VIL1: variants seen among roughly 807,000 people sequenced by gnomAD.
The protein encoded by VIL1 is villin-1.
VIL1 carries 86 observed loss-of-function variants against 104.0 expected under a neutral mutation model. The ratio of observed to expected loss-of-function variants is 0.83; its 90% confidence interval spans 0.69 to 0.99. The LOEUF (loss-of-function observed/expected upper bound fraction) is 0.99. Ranked by LOEUF, VIL1 falls within the 50% of genes least tolerant of loss-of-function variation. The pLI is 0.00. For synonymous variants in VIL1, 394 were observed against 412.6 expected, an observed-to-expected ratio of 0.95 and a Z score of 0.55; for missense variants, 944 against 1,054.1, an observed-to-expected ratio of 0.90 and a Z score of 1.45.
Position 218,429,961 on chromosome 2 carries a change from CGGGGGA to C in VIL1, c.948+18_948+23del. 21 of 650,230 alleles carry C rather than the reference CGGGGGA, an allele frequency of 3.2e-5. No individual in the cohort carries two copies. The highest frequency in any genetic ancestry group is 4.3e-5 in the Non-Finnish European group (19 of 437,474). 40.3% of individuals were successfully genotyped at this position (650,230 alleles called of 1,614,324 possible). A position where few individuals can be genotyped will look rare whatever the true frequency, so the allele number is the denominator to read the frequency against. On this transcript the variant is annotated intron_variant, in intron 9 of 19. Coordinates refer to ENST00000248444, the MANE Select transcript of VIL1 (RefSeq NM_007127.3). ...AGCCATGCGCTGGTAGTGGTGGGGG[CGGGGGA>C]GGGTCCAGGAGGAGGGCAGAGTGAT...
In VIL1 at chr2:218,429,338, T is replaced by G; in HGVS notation, c.621T>G (p.Tyr207Ter). 2 of 1,614,018 alleles carry G rather than the reference T, an allele frequency of 1.2e-6. No homozygotes were observed. Among genetic ancestry groups the G allele is most frequent in the Non-Finnish European group, 1.7e-6 (2 of 1,179,990 alleles). ...IRDQERGGRT[Y>*]VGVVDGENEL... The stretch of plus-strand genomic sequence containing the variant: ...ACCAGGAGCGGGGAGGGCGCACCTA[T>G]GTAGGCGTGGTGGACGGAGAGAATG... Residue 207 changes from tyrosine to a stop codon, truncating the protein, a stop_gained, in exon 7 of 20, where the codon TAT (tyrosine) becomes TAG (stop). Coordinates refer to ENST00000248444, the MANE Select transcript of VIL1 (RefSeq NM_007127.3). LOFTEE classifies it high-confidence loss of function.
At chr2:218,439,357 C>T (rs909808274) in intron 18 of VIL1, among the ~76,000 whole-genome samples, 3 of 152,102 alleles carry the variant, frequency 2.0e-5, no homozygotes, top group African/African-American at 7.2e-5. Flanking sequence ...TTAGAATTGG[C>T]ACCTAGGAAT....
chr2:218,421,266 G>A (rs1424733675), intron 1 of VIL1, among the ~76,000 whole-genome samples: 2 of 152,112 alleles, frequency 1.3e-5, no homozygotes, highest in African/African-American at 4.8e-5. Flanking sequence ...GGGGCTGTGT[G>A]TAGTGGGGAG....
Position 218,429,604 on chromosome 2 carries a change from G to A in VIL1, c.778G>A (p.Asp260Asn), listed in dbSNP as rs1689061449. The A allele has an allele frequency of 6.2e-7, 1 of 1,614,016 alleles. No homozygotes were observed. Among genetic ancestry groups the A allele is most frequent in the Admixed American group, 1.7e-5 (1 of 59,996 alleles). ...KAALKLYHVSDSEGNLVVREV... is the reference protein window; with the variant it reads ...KAALKLYHVSNSEGNLVVREV... ...CTTGCTTCTGTCCTGCAGTGTGTCT[G>A]ACTCCGAGGGGAATCTGGTGGTGAG... is the stretch of plus-strand genomic sequence containing the variant. Residue 260 changes from aspartate (D) to asparagine (N), a missense_variant, in exon 8 of 20, where the codon GAC becomes AAC. Coordinates refer to ENST00000248444, the MANE Select transcript of VIL1 (RefSeq NM_007127.3).
intron 1 of VIL1, among the ~76,000 whole-genome samples, chr2:218,423,046 G>T (rs367754759): frequency 6.6e-6 from 1 of 152,162 alleles, no homozygotes; most frequent in African/African-American, 2.4e-5. Context: ...AGCACGTTCC[G>T]AAGCTCCCCA....
At chr2:218,437,705 G>T (rs1689219934) in intron 17 of VIL1, among the ~76,000 whole-genome samples, 1 of 152,232 alleles carries the variant, frequency 6.6e-6, no homozygotes, top group South Asian at 2.1e-4. Context: ...GCAACATGGT[G>T]GATCCTCCAT....
At position 218,425,603 on chromosome 2, in the gene VIL1, C is replaced by T; in HGVS notation, c.151-12C>T. On this transcript the variant is annotated splice_polypyrimidine_tract_variant and intron_variant, in intron 3 of 19. Transcript: ENST00000248444. Reference sequence around the variant, plus strand: ...CCCAGGGTCTCGGGTACACTGGACACCTTTTCCCTAGATCCACAAGACAGC... The same window carrying T: ...CCCAGGGTCTCGGGTACACTGGACATCTTTTCCCTAGATCCACAAGACAGC... The T allele has an allele frequency of 6.2e-7, 1 of 1,613,736 alleles. No homozygotes were observed. The highest frequency in any genetic ancestry group is 2.2e-5 in the East Asian group (1 of 44,876).
At chr2:218,431,295 G>A (rs993770363) in intron 10 of VIL1, 23 of 245,786 alleles carry the variant, frequency 9.4e-5, no homozygotes, top group Non-Finnish European at 1.6e-4. Context: ...AGGCTGCAGT[G>A]AGCCAAGATC....
At chr2:218,445,558 C>A (rs1050945831) in intron 19 of VIL1, among the ~76,000 whole-genome samples, 1 of 151,958 alleles carries the variant, frequency 6.6e-6, no homozygotes, top group East Asian at 1.9e-4. Context: ...GAGCATCAGA[C>A]CCCCCTGAGG....
At position 218,435,297 on chromosome 2, in the gene VIL1, C is replaced by CG; in HGVS notation, c.1693dup (p.Asp565GlyfsTer11). The CG allele has an allele frequency of 6.2e-7, 1 of 1,613,508 alleles. No individual in the cohort carries two copies. Among genetic ancestry groups the CG allele is most frequent in the Non-Finnish European group, 8.5e-7 (1 of 1,179,698 alleles). ...ACTCTTTTTTTTCCTAGGGTTGTAG[C>CG]GGGGACGAGCGGGAGATGGCCAAGA... On this transcript the variant is annotated frameshift_variant, in exon 15 of 20. Coordinates refer to ENST00000248444, the MANE Select transcript of VIL1 (RefSeq NM_007127.3). LOFTEE classifies it high-confidence loss of function.
At chr2:218,445,787 C>T (rs1295953314) in intron 19 of VIL1, among the ~76,000 whole-genome samples, 2 of 152,246 alleles carry the variant, frequency 1.3e-5, no homozygotes, top group African/African-American at 4.8e-5. Flanking sequence ...TAATTAGGGA[C>T]TCTTAACTGA....
chr2:218,432,661 G>A (rs564008827), intron 12 of VIL1, 132 bp from the exon 13 acceptor site: 99 of 1,203,328 alleles, frequency 8.2e-5, no homozygotes, highest in Non-Finnish European at 1.1e-4. Flanking sequence ...GTTTCACAGT[G>A]GAGTTTGGTG....
chr2:218,426,341 G>A (rs1046949756), intron 4 of VIL1, among the ~76,000 whole-genome samples: 5 of 151,692 alleles, frequency 3.3e-5, no homozygotes, highest in Non-Finnish European at 4.4e-5. Context: ...TGCAAACTCC[G>A]CCTCCTGGGC....
chr2:218,436,625 A>T lies in VIL1; in HGVS notation c.1970A>T (p.Gln657Leu), dbSNP rs1306586118. Reference protein sequence around the residue: ...DDVFLLDVWDQVFFWIGKHAN... With the variant: ...DDVFLLDVWDLVFFWIGKHAN... Reference sequence around the variant, plus strand: ...GTGTTCCTACTAGATGTCTGGGACCAGGTAGGACCAAGGGCCTGGGGACCC... The same window carrying T: ...GTGTTCCTACTAGATGTCTGGGACCTGGTAGGACCAAGGGCCTGGGGACCC... Residue 657 changes from glutamine to leucine, a missense_variant and splice_region_variant, in exon 16 of 20, where the codon CAG (glutamine) becomes CTG (leucine). Physicochemically the swap from Gln to Leu is moderately radical, Grantham distance 113 (BLOSUM62 -2). Coordinates refer to ENST00000248444, the MANE Select transcript of VIL1 (RefSeq NM_007127.3). 3 of 1,613,808 alleles carry T rather than the reference A, an allele frequency of 1.9e-6. No individual in the cohort carries two copies. The highest frequency in any genetic ancestry group is 2.5e-6 in the Non-Finnish European group (3 of 1,179,888).
At chr2:218,448,481 G>T (rs951175058) in intron 19 of VIL1, among the ~76,000 whole-genome samples, 2 of 151,428 alleles carry the variant, frequency 1.3e-5, no homozygotes, top group Non-Finnish European at 2.9e-5. Context: ...AGAGTTATTT[G>T]AATCTGGGAG....
chr2:218,430,628 A>G lies in VIL1; in HGVS notation c.949-97A>G. 3 of 1,450,986 alleles carry G rather than the reference A, an allele frequency of 2.1e-6. No individual in the cohort carries two copies. In the East Asian group the frequency reaches 7.5e-5, roughly 36 times the overall value. The allele number at this position is 1,450,986 out of a possible 1,614,324, so 89.9% of individuals were successfully genotyped here. On this transcript the variant is annotated intron_variant, in intron 9 of 19. Transcript: ENST00000248444. ...CAGTTTTGGTGCCGGGGTAGATCTG[A>G]TGGTGGATCTGGTTAGGTTAGAGCT...
At chr2:218,443,273 A>G (rs1574820304) in intron 19 of VIL1, among the ~76,000 whole-genome samples, 1 of 148,920 alleles carries the variant, frequency 6.7e-6, no homozygotes, top group Admixed American at 6.9e-5. Flanking sequence ...ATCTCGGCTC[A>G]CTGCAACCTC....
At chr2:218,430,549 C>G (rs561473758) in intron 9 of VIL1, among the ~76,000 whole-genome samples, 176 bp from the exon 10 acceptor site, 19 of 152,070 alleles carry the variant, frequency 1.2e-4, no homozygotes, top group African/African-American at 4.3e-4. Flanking sequence ...GACCTTGAGG[C>G]TGGGGTCAGA....
intron 2 of VIL1, 64 bp downstream of exon 2, chr2:218,423,917 G>A (rs1688934556): frequency 6.3e-7 from 1 of 1,575,952 alleles, no homozygotes; most frequent in East Asian, 2.2e-5. Context: ...AGGCCAAGGA[G>A]GGAGGCCTGG....
Sources: allele counts gnomAD v4.1 joint callset (sites outside exome capture counted in the v4.1 genomes callset), GRCh38; gene constraint gnomAD v4.1.1; transcripts MANE v1.5; gene names NCBI Gene and HGNC (gene_info 2026-07-23, HGNC 2026-07-21).